Variants in WNK1 observed in about 807,000 individuals in gnomAD.
The protein encoded by WNK1 is WNK lysine deficient protein kinase 1, also known as serine/threonine-protein kinase WNK1.
WNK1 carries 38 observed loss-of-function variants against 222.8 expected under a neutral mutation model. The ratio of observed to expected loss-of-function variants is 0.17; its 90% CI spans 0.13 to 0.22. The LOEUF (loss-of-function observed/expected upper bound fraction) is 0.22, where lower values mean the gene tolerates loss of function less well. Among genes scored for constraint, WNK1 ranks in the 10% least tolerant of loss-of-function variants. The probability of loss-of-function intolerance (pLI) is 1.00; values close to 1 mark genes in which losing one functional copy is unlikely to be tolerated. For synonymous variants in WNK1, 1,090 were observed against 1,092.9 expected (o/e 1.00, Z 0.05); for missense variants, 2,348 against 2,918.4 (o/e 0.80, Z 4.50).
intron 1 of WNK1, among the ~76,000 whole-genome samples, chr12:807,772 T>G (rs1047335222): frequency 1.5e-5 from 2 of 133,132 alleles, no homozygotes; most frequent in African/African-American, 5.8e-5. Context: ...CAGGCTGGAG[T>G]GCAGTGGCGC....
intron 1 of WNK1, among the ~76,000 whole-genome samples, chr12:774,179 C>G (rs1942854905): frequency 6.6e-6 from 1 of 152,180 alleles, no homozygotes; most frequent in Non-Finnish European, 1.5e-5. Flanking sequence ...GGCCTCGTTA[C>G]AGAGAATATT....
chr12:876,304 G>A (rs1952605574), intron 9 of WNK1, among the ~76,000 whole-genome samples: 1 of 152,116 alleles, frequency 6.6e-6, no homozygotes, highest in Admixed American at 6.5e-5. Context: ...AGCTGCTCAG[G>A]AGGCTGAGGC....
chr12:842,043 CGTT>C (rs1949668300), intron 4 of WNK1, among the ~76,000 whole-genome samples: 1 of 152,114 alleles, frequency 6.6e-6, no homozygotes, highest in Non-Finnish European at 1.5e-5. Context: ...TTTATTATAT[CGTT>C]GTTTGTATTC....
intron 1 of WNK1, 123 bp from the exon 2 acceptor site, chr12:813,519 C>G: frequency 1.0e-6 from 1 of 987,360 alleles, no homozygotes; most frequent in Non-Finnish European, 1.5e-6. Context: ...TTTATAACTT[C>G]AGCATTTGCA....
chr12:780,216 G>A (rs1309978977), intron 1 of WNK1, among the ~76,000 whole-genome samples: 1 of 152,122 alleles, frequency 6.6e-6, no homozygotes, highest in Non-Finnish European at 1.5e-5. Flanking sequence ...TTAATCAGTT[G>A]TCAGTGAAGA....
chr12:837,023 T>C (rs779791577), intron 4 of WNK1, among the ~76,000 whole-genome samples: 1 of 152,168 alleles, frequency 6.6e-6, no homozygotes, highest in Admixed American at 6.5e-5. Flanking sequence ...ATCTTCACAG[T>C]GTTAAAAGAA....
At chr12:902,662 GCAAGTCAC>G (rs1955364497) in intron 26 of WNK1, among the ~76,000 whole-genome samples, 1 of 152,174 alleles carries the variant, frequency 6.6e-6, no homozygotes, top group Non-Finnish European at 1.5e-5. Flanking sequence ...AGGCACAATA[GCAAGTCAC>G]CCCATCTTCC....
At chr12:803,685 C>T (rs931011989) in intron 1 of WNK1, among the ~76,000 whole-genome samples, 71 of 151,844 alleles carry the variant, frequency 4.7e-4, no homozygotes, top group African/African-American at 1.6e-3. Context: ...TGCAGTGAGC[C>T]GAGATTGTGC....
chr12:834,706 C>T (rs1045884465), intron 4 of WNK1, among the ~76,000 whole-genome samples: 1 of 152,054 alleles, frequency 6.6e-6, no homozygotes, highest in African/African-American at 2.4e-5. Context: ...TTACAGATTG[C>T]TTAGCACAGT....
At position 909,560 on chromosome 12, in the gene WNK1, CCTTTA is replaced by C. The variant is rs886048815; in HGVS notation, c.*772_*776del. 2 of 152,146 alleles carry C rather than the reference CCTTTA, an allele frequency of 1.3e-5. No individual in the cohort carries two copies. Among genetic ancestry groups the C allele is most frequent in the East Asian group, 3.8e-4 (2 of 5,204 alleles). 9.4% of individuals were successfully genotyped at this position (152,146 alleles called of 1,614,324 possible). A position where few individuals can be genotyped will look rare whatever the true frequency, so the allele number is the denominator to read the frequency against. The stretch of plus-strand genomic sequence containing the variant: ...AAGTTCCAAAAAAAGCTAGCTCTGT[CCTTTA>C]CTTATTGAGACACTTTAACTTTTTC... On this transcript the variant is annotated 3_prime_UTR_variant, in exon 28 of 28. Coordinates refer to ENST00000315939, the MANE Select transcript of WNK1 (RefSeq NM_018979.4).
chr12:864,458 A>G (rs917821649), intron 8 of WNK1, among the ~76,000 whole-genome samples: 4 of 152,110 alleles, frequency 2.6e-5, no homozygotes, highest in Admixed American at 2.0e-4. Context: ...CCCATTGATT[A>G]CTTTGTAAAA....
chr12:876,476 T>C (rs1007765136), intron 9 of WNK1, among the ~76,000 whole-genome samples: 2 of 152,234 alleles, frequency 1.3e-5, no homozygotes, highest in Non-Finnish European at 2.9e-5. Context: ...CTGTTGCCAT[T>C]ATATTTTAGC....
chr12:859,512 C>T, intron 6 of WNK1, 48 bp downstream of exon 6: 1 of 1,435,340 alleles, frequency 7.0e-7, no homozygotes, highest in Non-Finnish European at 9.7e-7. Flanking sequence ...TTATATATAT[C>T]AATACTATCA....
rs6489762 is a variant in WNK1, at chr12:882,195, C to T, written c.3372+122C>T. 1 allele frequency: 1,162,412 copies of T among 1,165,420 alleles called. 579,762 individuals carry two copies. The highest frequency in any genetic ancestry group is 1 in the East Asian group (38,717 of 38,718). The allele number at this position is 1,165,420 out of a possible 1,614,324, so 72.2% of individuals were successfully genotyped here. On this transcript the variant is annotated intron_variant, in intron 14 of 27. Coordinates refer to ENST00000315939, the MANE Select transcript of WNK1 (RefSeq NM_018979.4). ...AATAAAGATAACTATCTGTGTGTGACAGATAATTTTTTTTTTTTTTAGACG... is the reference window on the plus strand; with the variant it reads ...AATAAAGATAACTATCTGTGTGTGATAGATAATTTTTTTTTTTTTTAGACG...
intron 1 of WNK1, among the ~76,000 whole-genome samples, chr12:806,417 A>G (rs1010231855): frequency 6.6e-6 from 1 of 152,178 alleles, no homozygotes; most frequent in African/African-American, 2.4e-5. Context: ...CCTTCCTTGG[A>G]GACTGGGGCC....
chr12:841,266 C>T (rs1471622052), intron 4 of WNK1, among the ~76,000 whole-genome samples: 1 of 152,160 alleles, frequency 6.6e-6, no homozygotes, highest in Non-Finnish European at 1.5e-5. Flanking sequence ...TTCCCATTCT[C>T]CTCTCCAACC....
At chr12:774,347 A>G (rs972184881) in intron 1 of WNK1, among the ~76,000 whole-genome samples, 5 of 152,082 alleles carry the variant, frequency 3.3e-5, no homozygotes, top group South Asian at 2.1e-4. Context: ...CTCAAACTCC[A>G]TTCTCATCCC....
At chr12:869,893 A>G (rs897094624) in intron 8 of WNK1, among the ~76,000 whole-genome samples, 1 of 152,238 alleles carries the variant, frequency 6.6e-6, no homozygotes, top group South Asian at 2.1e-4. Flanking sequence ...ATTTTCCTCA[A>G]CAAATTTAAT....
intron 1 of WNK1, among the ~76,000 whole-genome samples, chr12:766,053 T>A (rs1478690488): frequency 6.6e-6 from 1 of 152,118 alleles, no homozygotes; most frequent in Admixed American, 6.6e-5. Context: ...GTGGGTTTAA[T>A]GAGTGGATGA....
Sources: allele counts gnomAD v4.1 joint callset (sites outside exome capture counted in the v4.1 genomes callset), GRCh38; gene constraint gnomAD v4.1.1; transcripts MANE v1.5; gene names NCBI Gene and HGNC (gene_info 2026-07-23, HGNC 2026-07-21).